ADGRE2: variants seen among roughly 807,000 people sequenced by gnomAD.
ADGRE2 encodes CD97 antigen.
A neutral mutation model predicts 100.8 loss-of-function variants in ADGRE2; 83 were observed. That is an observed-to-expected ratio of 0.82 (90% CI 0.69 to 0.99). The LOEUF is 0.99. Ranked by LOEUF, ADGRE2 falls within the 50% of genes least tolerant of loss-of-function variation. The pLI is 0.00. For missense variants in ADGRE2, 814 were observed against 1,035.7 expected, an observed-to-expected ratio of 0.79 and a Z score of 2.94; for synonymous variants, 355 against 413.0, an observed-to-expected ratio of 0.86 and a Z score of 1.70.
downstream of ADGRE2, among the ~76,000 whole-genome samples, chr19:14,729,666 G>A (rs2042655490): frequency 6.6e-6 from 1 of 152,098 alleles, no homozygotes; most frequent in Non-Finnish European, 1.5e-5. Context: ...ACAAATTTCA[G>A]TTAGACAGGA....
chr19:14,773,099 C>CAAAAAAAAAAA (rs1231448957), intron 4 of ADGRE2, among the ~76,000 whole-genome samples: 1 of 72,102 alleles, frequency 1.4e-5, no homozygotes, highest in South Asian at 4.4e-4. Flanking sequence ...AAAAAAAAAA[C>CAAAAAAAAAAA]AAAAAAAAAA....
chr19:14,777,578 T>G (rs1204594244), intron 1 of ADGRE2, among the ~76,000 whole-genome samples: 1 of 152,160 alleles, frequency 6.6e-6, no homozygotes, highest in Admixed American at 6.6e-5. Flanking sequence ...ATGTGCCATG[T>G]TGGCTTGCTG....
At chr19:14,777,431 A>G (rs959359516) in intron 1 of ADGRE2, among the ~76,000 whole-genome samples, 3 of 152,098 alleles carry the variant, frequency 2.0e-5, no homozygotes, top group African/African-American at 7.2e-5. Flanking sequence ...GGAGTTTGAG[A>G]CCAGCCTGGG....
At chr19:14,730,109 A>C (rs28665079), downstream of ADGRE2, among the ~76,000 whole-genome samples, 1 of 152,102 alleles carries the variant, frequency 6.6e-6, no homozygotes, top group African/African-American at 2.4e-5. Flanking sequence ...CTGGAGTACA[A>C]TGGCACAATC....
In ADGRE2 at chr19:14,765,888, C is replaced by G; in HGVS notation, c.635-84G>C. 3 of 1,610,858 alleles carry G rather than the reference C, an allele frequency of 1.9e-6. No homozygotes were observed. In the East Asian group the frequency reaches 6.7e-5, roughly 36 times the overall value. Reference sequence around the variant, plus strand: ...TGTCTGTGCCCCCAGCTCGTTCCTCCCGGCATTAGTGCCCCCCTTGGAGAG... The same window carrying G: ...TGTCTGTGCCCCCAGCTCGTTCCTCGCGGCATTAGTGCCCCCCTTGGAGAG... On this transcript the variant is annotated intron_variant, in intron 7 of 20. Transcript: ENST00000315576.
chr19:14,760,578 CT>C (rs1469092077), intron 11 of ADGRE2, among the ~76,000 whole-genome samples: 1 of 151,706 alleles, frequency 6.6e-6, no homozygotes, highest in Non-Finnish European at 1.5e-5. Context: ...AATGTGTCCA[CT>C]AATATTCATA....
Position 14,751,663 on chromosome 19 carries a change from G to T in ADGRE2, c.1797C>A (p.Cys599Ter), listed in dbSNP as rs1212154593. 6.2e-7 allele frequency: 1 copy of T among 1,613,344 alleles called. No homozygotes were observed. The change falls in exon 16 of 21, where the codon TGC becomes TGA. Residue 599 changes from cysteine (C) to a stop codon, truncating the protein, a stop_gained. Coordinates refer to ENST00000315576, the MANE Select transcript of ADGRE2 (RefSeq NM_013447.4). LOFTEE classifies it high-confidence loss of function. Reference protein sequence around the residue: ...AIDQTGHKVLCSIIAGTLHYL... With the variant: ...AIDQTGHKVL The stretch of plus-strand genomic sequence containing the variant: ...AGTGCAAGGTACCGGCGATGATGGA[G>T]CACAGCACCTGGCGGAGAAGTAAAA...
chr19:14,758,245 G>C (rs995980725), intron 11 of ADGRE2, among the ~76,000 whole-genome samples: 1 of 152,136 alleles, frequency 6.6e-6, no homozygotes, highest in African/African-American at 2.4e-5. Flanking sequence ...CTACAGAACG[G>C]GAGAAAATAT....
chr19:14,765,497 C>A (rs113608022), intron 9 of ADGRE2, 27 bp downstream of exon 9: 3 of 1,612,982 alleles, frequency 1.9e-6, no homozygotes, highest in Non-Finnish European at 2.5e-6. Context: ...GAGTTCCCGC[C>A]GCCTCGTCCC....
chr19:14,746,377 T>C (rs113955193), intron 17 of ADGRE2, 54 bp from the exon 18 acceptor site: 17 of 685,548 alleles, frequency 2.5e-5, no homozygotes, highest in Non-Finnish European at 2.1e-5. Context: ...TGTTATCTCT[T>C]TTTTTTTTTT....
At chr19:14,742,085 G>A (rs1038097101) in intron 20 of ADGRE2, 4 of 398,374 alleles carry the variant, frequency 1.0e-5, no homozygotes, top group African/African-American at 8.2e-5. Context: ...CACTGTTCCT[G>A]GCTGATTTAT....
Position 14,734,567 on chromosome 19 carries a change from A to C in ADGRE2, c.*1669T>G, listed in dbSNP as rs2042716125. On this transcript the variant is annotated 3_prime_UTR_variant, in exon 21 of 21. Transcript: ENST00000315576. Reference sequence around the variant, plus strand: ...GGTTGAGTTGCTTTTGGAACTTAATATTATCATCTATGTGAGATTTCATAT... The same window carrying C: ...GGTTGAGTTGCTTTTGGAACTTAATCTTATCATCTATGTGAGATTTCATAT... 6.6e-6 allele frequency: 1 copy of C among 152,148 alleles called. No individual in the cohort carries two copies. Among genetic ancestry groups the C allele is most frequent in the Non-Finnish European group, 1.5e-5 (1 of 68,050 alleles). The allele number at this position is 152,148 out of a possible 1,614,324, so 9.4% of individuals were successfully genotyped here.
chr19:14,759,131 C>A (rs796246455), intron 11 of ADGRE2, among the ~76,000 whole-genome samples: 216 of 152,234 alleles, frequency 1.4e-3, no homozygotes, highest in African/African-American at 5.0e-3. Flanking sequence ...CTGGCTGGCT[C>A]CACGTTGCCT....
chr19:14,735,004 C>G lies in ADGRE2; in HGVS notation c.*1232G>C, dbSNP rs536577264. 1 of 152,256 alleles carries G rather than the reference C, an allele frequency of 6.6e-6. No homozygotes were observed. The highest frequency in any genetic ancestry group is 1.9e-4 in the East Asian group (1 of 5,186). 9.4% of individuals were successfully genotyped at this position (152,256 alleles called of 1,614,324 possible). On this transcript the variant is annotated 3_prime_UTR_variant, in exon 21 of 21. Transcript: ENST00000315576. ...GCAAAGAGAAGGGAACTTGGAGCCG[C>G]CATTTTGGACATGCCTAGTCTAGGT...
At chr19:14,770,989 C>T (rs1250887128) in intron 5 of ADGRE2, among the ~76,000 whole-genome samples, 1 of 152,048 alleles carries the variant, frequency 6.6e-6, no homozygotes, top group Admixed American at 6.6e-5. Flanking sequence ...CCGGAGAGTC[C>T]TTTTTCTAAT....
At chr19:14,744,537 C>T (rs946549475) in intron 18 of ADGRE2, among the ~76,000 whole-genome samples, 2 of 152,098 alleles carry the variant, frequency 1.3e-5, no homozygotes, top group South Asian at 4.2e-4. Context: ...CTCACTGCAA[C>T]CTCTGCCTCC....
Position 14,766,336 on chromosome 19 carries a change from G to C in ADGRE2, c.533C>G (p.Thr178Ser), listed in dbSNP as rs61732009. The change falls in exon 7 of 21, where the codon ACC becomes AGC. Residue 178 changes from threonine (T) to serine (S), a missense_variant. By Grantham distance (58) the Thr-to-Ser change is moderately conservative. Transcript: ENST00000315576. ...GCTGCCCACGTTGTTGAGGCAGTGG[G>C]TGGAGCTGTGGCATGGGTTTTGTCC... ...TSGQNPCHSS[T>S]HCLNNVGSYQ... 6.2e-7 allele frequency: 1 copy of C among 1,614,078 alleles called. No homozygotes were observed. Among genetic ancestry groups the C allele is most frequent in the South Asian group, 1.1e-5 (1 of 91,076 alleles).
At chr19:14,747,934 C>T (rs1439929518) in intron 16 of ADGRE2, among the ~76,000 whole-genome samples, 5 of 152,056 alleles carry the variant, frequency 3.3e-5, no homozygotes, top group Admixed American at 2.0e-4. Flanking sequence ...CAATTTTTGA[C>T]TATTCTAAAT....
In ADGRE2 at chr19:14,755,008, G is replaced by A; in HGVS notation, c.1536C>T (p.Cys512=). Residue 512 remains cysteine (C), a synonymous_variant, in exon 14 of 21, where the codon TGC becomes TGT. Transcript: ENST00000315576. ...TIGTRDTSTI[C]RCTHLSSFAV... The stretch of plus-strand genomic sequence containing the variant: ...CAAAGCTGCTCAGGTGGGTGCAACG[G>A]CAGATGGTGCTGGTGTCTCTGGTGC... The A allele has an allele frequency of 1.2e-6, 2 of 1,614,158 alleles. No homozygotes were observed. The highest frequency in any genetic ancestry group is 1.7e-6 in the Non-Finnish European group (2 of 1,180,036).
Sources: allele counts gnomAD v4.1 joint callset (sites outside exome capture counted in the v4.1 genomes callset), GRCh38; gene constraint gnomAD v4.1.1; transcripts MANE v1.5; gene names NCBI Gene and HGNC (gene_info 2026-07-23, HGNC 2026-07-21).